Variants in ACVR2A observed in about 807,000 individuals in gnomAD.
ACVR2A encodes activin A receptor type 2A.
A neutral mutation model predicts 61.4 loss-of-function variants in ACVR2A; 7 were observed. The ratio of observed to expected loss-of-function variants is 0.11; its 90% confidence interval spans 0.06 to 0.21. The LOEUF (loss-of-function observed/expected upper bound fraction) is 0.21. Among genes scored for constraint, ACVR2A ranks in the 10% least tolerant of loss-of-function variants. The probability of loss-of-function intolerance (pLI) is 1.00; values close to 1 mark genes in which losing one functional copy is unlikely to be tolerated. For missense variants in ACVR2A, 322 were observed against 621.7 expected, an observed-to-expected ratio of 0.52 and a Z score of 5.13; for synonymous variants, 193 against 208.3, an observed-to-expected ratio of 0.93 and a Z score of 0.63.
intron 4 of ACVR2A, among the ~76,000 whole-genome samples, chr2:147,913,377 C>T (rs1253477179): frequency 1.3e-5 from 2 of 151,876 alleles, no homozygotes; most frequent in African/African-American, 2.4e-5. Flanking sequence ...AGCTTTCAGC[C>T]ATTTTCTGTA....
intron 1 of ACVR2A, among the ~76,000 whole-genome samples, chr2:147,870,140 A>G (rs1299184932): frequency 6.6e-6 from 1 of 151,934 alleles, no homozygotes; most frequent in Non-Finnish European, 1.5e-5. Flanking sequence ...AGAAGGTCTT[A>G]ATGTGGTGTA....
chr2:147,877,049 G>A (rs368813841), intron 1 of ACVR2A, among the ~76,000 whole-genome samples: 68 of 152,120 alleles, frequency 4.5e-4, no homozygotes, highest in Admixed American at 2.6e-4. Flanking sequence ...CGTCTTGATC[G>A]CAGGATTTTA....
chr2:147,916,769 T>C (rs1434908751), intron 5 of ACVR2A, among the ~76,000 whole-genome samples: 1 of 152,010 alleles, frequency 6.6e-6, no homozygotes, highest in Non-Finnish European at 1.5e-5. Flanking sequence ...TCTTAAATTA[T>C]TGCATTGCAT....
At chr2:147,858,397 C>T (rs1685641116) in intron 1 of ACVR2A, among the ~76,000 whole-genome samples, 1 of 152,116 alleles carries the variant, frequency 6.6e-6, no homozygotes, top group Admixed American at 6.6e-5. Context: ...ATTCCATAAA[C>T]AACCAAATAT....
At chr2:147,893,344 A>G (rs1456659628) in intron 1 of ACVR2A, among the ~76,000 whole-genome samples, 1 of 152,196 alleles carries the variant, frequency 6.6e-6, no homozygotes, top group African/African-American at 2.4e-5. Context: ...CTGAACAGTC[A>G]TCTACAGATT....
intron 1 of ACVR2A, among the ~76,000 whole-genome samples, chr2:147,892,248 A>C (rs1458149580): frequency 6.6e-6 from 1 of 151,604 alleles, no homozygotes; most frequent in Admixed American, 6.6e-5. Flanking sequence ...GGCATTACAG[A>C]TGTGAGCCAC....
chr2:147,893,056 G>C (rs562848972), intron 1 of ACVR2A, among the ~76,000 whole-genome samples: 1 of 152,140 alleles, frequency 6.6e-6, no homozygotes, highest in Admixed American at 6.5e-5. Context: ...GTTTCCTCAT[G>C]CCCTTTTGTA....
chr2:147,873,627 G>A (rs1686083416), intron 1 of ACVR2A, among the ~76,000 whole-genome samples: 1 of 151,580 alleles, frequency 6.6e-6, no homozygotes, highest in East Asian at 1.9e-4. Flanking sequence ...CTTGTGCAGG[G>A]AATTCTATAG....
At position 147,885,818 on chromosome 2, in the gene ACVR2A, A is replaced by G. The variant is rs146393191; in HGVS notation, c.56-10483A>G. Among the ~76,000 whole-genome samples, 824 of 152,274 alleles carry G rather than the reference A, an allele frequency of 5.4e-3. 15 individuals carry two copies. The highest frequency in any genetic ancestry group is 0.019 in the African/African-American group (792 of 41,572). ...TTTGTGATTTTAAAACATTCATAAG[A>G]CTAAATTAATAAAAGTATATATTGG... On this transcript the variant is annotated intron_variant, in intron 1 of 10. Transcript: ENST00000241416.
At chr2:147,890,711 T>C (rs1686561789) in intron 1 of ACVR2A, among the ~76,000 whole-genome samples, 1 of 152,184 alleles carries the variant, frequency 6.6e-6, no homozygotes, top group African/African-American at 2.4e-5. Flanking sequence ...TCGTTAAAAC[T>C]TAATATACAT....
intron 4 of ACVR2A, 128 bp from the exon 5 acceptor site, chr2:147,915,063 A>G (rs1687217422): frequency 1.2e-6 from 1 of 815,110 alleles, no homozygotes; most frequent in Non-Finnish European, 1.9e-6. Flanking sequence ...CATTGAAGTT[A>G]ATGTCATTCA....
At chr2:147,891,405 C>T (rs1006880562) in intron 1 of ACVR2A, among the ~76,000 whole-genome samples, 6 of 151,834 alleles carry the variant, frequency 4.0e-5, no homozygotes, top group African/African-American at 1.2e-4. Context: ...GTAGGTTAGA[C>T]GGACTATTGG....
chr2:147,857,219 C>A (rs780432364), intron 1 of ACVR2A, among the ~76,000 whole-genome samples: 2 of 152,022 alleles, frequency 1.3e-5, no homozygotes, highest in South Asian at 4.2e-4. Context: ...GACTTTTTAC[C>A]TGCAGATCTT....
intron 1 of ACVR2A, among the ~76,000 whole-genome samples, chr2:147,854,270 T>C (rs954239367): frequency 6.6e-6 from 1 of 152,204 alleles, no homozygotes; most frequent in African/African-American, 2.4e-5. Flanking sequence ...TCTCACTGTT[T>C]TAGCATGCAT....
At chr2:147,920,407 C>A in intron 8 of ACVR2A, 63 bp downstream of exon 8, 3 of 1,227,620 alleles carry the variant, frequency 2.4e-6, no homozygotes, top group Non-Finnish European at 3.6e-6. Flanking sequence ...CTTAGAATGG[C>A]ATGTCAGGAC....
At chr2:147,854,992 TGCCTCA>T (rs1685533903) in intron 1 of ACVR2A, among the ~76,000 whole-genome samples, 1 of 152,120 alleles carries the variant, frequency 6.6e-6, no homozygotes, top group Non-Finnish European at 1.5e-5. Flanking sequence ...GTGATTCTCC[TGCCTCA>T]GCCTCCTGAG....
chr2:147,912,031 A>G (rs1687132383), intron 4 of ACVR2A, among the ~76,000 whole-genome samples: 1 of 151,920 alleles, frequency 6.6e-6, no homozygotes, highest in Non-Finnish European at 1.5e-5. Context: ...CTACAGGAGT[A>G]TAACTTTTGA....
rs1210547727 is a variant in ACVR2A at position 147,920,260 on chromosome 2, A to G, written c.993A>G (p.Lys331=). ...TCAAAAGTAAAAATGTGCTGTTGAAAAACAACCTGACAGCTTGCATTGCTG... is the reference window on the plus strand; with the variant it reads ...TCAAAAGTAAAAATGTGCTGTTGAAGAACAACCTGACAGCTTGCATTGCTG... ...RDIKSKNVLL[K]NNLTACIADF... is the part of the protein sequence containing the mutation. Residue 331 remains lysine, a synonymous_variant, in exon 8 of 11, where the codon AAA becomes AAG. Coordinates refer to ENST00000241416, the MANE Select transcript of ACVR2A (RefSeq NM_001616.5). 1 of 1,613,436 alleles carries G rather than the reference A, an allele frequency of 6.2e-7. No homozygotes were observed. The highest frequency in any genetic ancestry group is 8.5e-7 in the Non-Finnish European group (1 of 1,179,638).
intron 4 of ACVR2A, among the ~76,000 whole-genome samples, chr2:147,900,836 C>T (rs566084101): frequency 6.6e-6 from 1 of 152,072 alleles, no homozygotes; most frequent in Non-Finnish European, 1.5e-5. Flanking sequence ...ATGGTTAAAA[C>T]TTGATAGAAA....
Sources: allele counts gnomAD v4.1 joint callset (sites outside exome capture counted in the v4.1 genomes callset), GRCh38; gene constraint gnomAD v4.1.1; transcripts MANE v1.5; gene names NCBI Gene and HGNC (gene_info 2026-07-23, HGNC 2026-07-21).